Variants in GPR158 observed in about 807,000 individuals in gnomAD.
GPR158 encodes the protein metabotropic glycine receptor.
A neutral mutation model predicts 78.2 loss-of-function variants in GPR158; 30 were observed. The observed-to-expected ratio is 0.38, with a 90% CI of 0.29 to 0.52. The LOEUF (loss-of-function observed/expected upper bound fraction) is 0.52, where lower values mean the gene tolerates loss of function less well. Among genes scored for constraint, GPR158 ranks in the 20% least tolerant of loss-of-function variants. The pLI, the probability that GPR158 is intolerant of heterozygous loss-of-function variation, is 0.83. For synonymous variants in GPR158, 581 were observed against 591.1 expected (o/e 0.98, Z 0.25); for missense variants, 1,463 against 1,523.5 (o/e 0.96, Z 0.66).
chr10:25,211,644 T>G (rs1853132428), intron 1 of GPR158, among the ~76,000 whole-genome samples: 1 of 152,202 alleles, frequency 6.6e-6, no homozygotes, highest in East Asian at 1.9e-4. Context: ...ACACACGAAC[T>G]CTGGGGGACA....
At chr10:25,450,379 C>T (rs1260707387) in intron 4 of GPR158, among the ~76,000 whole-genome samples, 9 of 71,722 alleles carry the variant, frequency 1.3e-4, no homozygotes, top group African/African-American at 6.7e-4. Context: ...TCCTTTTTCA[C>T]GTTTTTTTTT....
chr10:25,232,887 C>T (rs1329011984), intron 2 of GPR158, among the ~76,000 whole-genome samples: 3 of 152,110 alleles, frequency 2.0e-5, no homozygotes, highest in Non-Finnish European at 4.4e-5. Context: ...AATATAAGCT[C>T]ACACGTAGGT....
intron 4 of GPR158, among the ~76,000 whole-genome samples, chr10:25,454,112 T>C (rs1046051239): frequency 6.6e-6 from 1 of 152,134 alleles, no homozygotes; most frequent in Non-Finnish European, 1.5e-5. Context: ...CAATATCTTA[T>C]AGTTTTTAAT....
intron 2 of GPR158, among the ~76,000 whole-genome samples, chr10:25,372,253 G>T (rs939203860): frequency 6.6e-6 from 1 of 152,042 alleles, no homozygotes; most frequent in Non-Finnish European, 1.5e-5. Context: ...CTTTTACACT[G>T]TTGGTGGGAC....
chr10:25,507,412 G>A (rs982836111), intron 5 of GPR158, among the ~76,000 whole-genome samples: 3 of 152,174 alleles, frequency 2.0e-5, no homozygotes, highest in African/African-American at 7.2e-5. Context: ...AACAGTTTGG[G>A]GGTAGATAGA....
intron 4 of GPR158, among the ~76,000 whole-genome samples, chr10:25,445,833 T>C (rs1331193214): frequency 6.6e-6 from 1 of 152,010 alleles, no homozygotes; most frequent in Non-Finnish European, 1.5e-5. Context: ...TCCACATGAA[T>C]TGCAAAGCCA....
chr10:25,470,648 A>T (rs1200297094), intron 5 of GPR158, among the ~76,000 whole-genome samples: 1 of 152,216 alleles, frequency 6.6e-6, no homozygotes, highest in Non-Finnish European at 1.5e-5. Context: ...GAAGCAATGC[A>T]GCAGTATAAA....
intron 4 of GPR158, among the ~76,000 whole-genome samples, chr10:25,423,683 C>T (rs1834783988): frequency 1.3e-5 from 2 of 152,094 alleles, no homozygotes; most frequent in Admixed American, 1.3e-4. Context: ...TGGTTTCCAG[C>T]TTCATCCATG....
At chr10:25,294,690 T>A (rs1311819974) in intron 2 of GPR158, among the ~76,000 whole-genome samples, 1 of 152,214 alleles carries the variant, frequency 6.6e-6, no homozygotes, top group Non-Finnish European at 1.5e-5. Context: ...TGTCAATGAT[T>A]TGTGCAGTTA....
At chr10:25,533,287 C>G (rs556191572) in intron 5 of GPR158, among the ~76,000 whole-genome samples, 21 of 152,160 alleles carry the variant, frequency 1.4e-4, no homozygotes, top group Non-Finnish European at 2.4e-4. Context: ...ATTAGCAGCC[C>G]TTAGTCCTTG....
intron 8 of GPR158, 104 bp downstream of exon 8, chr10:25,589,249 G>C (rs549724708): frequency 1.7e-5 from 12 of 721,224 alleles, no homozygotes; most frequent in Non-Finnish European, 2.5e-5. Context: ...ACTTAGCAAA[G>C]ATAGCATTTT....
intron 4 of GPR158, among the ~76,000 whole-genome samples, chr10:25,453,130 T>C (rs1199716753): frequency 2.0e-5 from 3 of 152,208 alleles, no homozygotes; most frequent in Admixed American, 6.5e-5. Flanking sequence ...TATCCGTGGA[T>C]AGACTCTAAG....
At chr10:25,387,388 T>G (rs548439169) in intron 2 of GPR158, among the ~76,000 whole-genome samples, 3 of 152,318 alleles carry the variant, frequency 2.0e-5, no homozygotes, top group South Asian at 4.1e-4. Flanking sequence ...TGGTTTGAGA[T>G]TTTTGCATCA....
In GPR158 at chr10:25,478,518, G is replaced by GTGTC. The variant is rs1554807430; in HGVS notation, c.1404+11802_1404+11803insCTGT. On this transcript the variant is annotated intron_variant, in intron 5 of 10. Transcript: ENST00000376351. Reference sequence around the variant, plus strand: ...CGTGTGTGTGTGTGTGTGTGTGTGTGTGTGTGTGTAGAGAGAAGAGAAAGA... The same window carrying GTGTC: ...CGTGTGTGTGTGTGTGTGTGTGTGTGTGTCTGTGTGTGTAGAGAGAAGAGAAAGA... 1.9e-4 allele frequency among the ~76,000 whole-genome samples: 29 copies of GTGTC among 150,412 alleles called. 3 individuals carry two copies. Among genetic ancestry groups the GTGTC allele is most frequent in the Admixed American group, 3.3e-4 (5 of 15,040 alleles).
At chr10:25,343,482 T>G (rs79450174) in intron 2 of GPR158, among the ~76,000 whole-genome samples, 1,794 of 152,122 alleles carry the variant, frequency 0.012, 46 homozygotes, top group African/African-American at 0.041. Flanking sequence ...TTACTAATTT[T>G]ATACCACATG....
intron 7 of GPR158, among the ~76,000 whole-genome samples, chr10:25,573,442 C>T (rs1171070240): frequency 1.3e-5 from 2 of 152,216 alleles, no homozygotes; most frequent in African/African-American, 4.8e-5. Flanking sequence ...CTAAGCCATG[C>T]TCCATGAGTG....
At chr10:25,514,572 G>A (rs964240645) in intron 5 of GPR158, among the ~76,000 whole-genome samples, 3 of 151,956 alleles carry the variant, frequency 2.0e-5, no homozygotes, top group Admixed American at 6.6e-5. Context: ...TTTGTTGCCC[G>A]AATACCTTCT....
chr10:25,444,503 G>A (rs12261074), intron 4 of GPR158, among the ~76,000 whole-genome samples: 2 of 151,176 alleles, frequency 1.3e-5, no homozygotes, highest in Admixed American at 6.6e-5. Context: ...AAATGTGGGC[G>A]CATGTATGCG....
chr10:25,397,155 C>T lies in GPR158; in HGVS notation c.1111+1142C>T, dbSNP rs373220451. On this transcript the variant is annotated intron_variant, in intron 3 of 10. Coordinates refer to ENST00000376351, the MANE Select transcript of GPR158 (RefSeq NM_020752.3). ...AAGAGAGAATGTCCCATCATATTTA[C>T]GGATCCACCCACATTCAAACAGAAG... is the stretch of plus-strand genomic sequence containing the variant. Among the ~76,000 whole-genome samples, 54 of 152,274 alleles carry T rather than the reference C, an allele frequency of 3.5e-4. No individual in the cohort carries two copies. In the East Asian group the frequency reaches 4.3e-3, roughly 12 times the overall value.
Sources: allele counts gnomAD v4.1 joint callset (sites outside exome capture counted in the v4.1 genomes callset), GRCh38; gene constraint gnomAD v4.1.1; transcripts MANE v1.5; gene names NCBI Gene and HGNC (gene_info 2026-07-23, HGNC 2026-07-21).